The following MAP2 variants were observed in gnomAD, a reference collection of about 807,000 sequenced individuals.
MAP2 encodes the protein microtubule-associated protein 2.
MAP2 carries 14 observed loss-of-function variants against 137.6 expected under a neutral mutation model. The observed-to-expected ratio is 0.10, with a 90% CI of 0.07 to 0.16. The LOEUF is 0.16. Among genes scored for constraint, MAP2 ranks in the 10% least tolerant of loss-of-function variants. The pLI, the probability that MAP2 is intolerant of heterozygous loss-of-function variation, is 1.00. For synonymous variants in MAP2, 786 were observed against 782.3 expected, an observed-to-expected ratio of 1.00 and a Z score of -0.08; for missense variants, 2,088 against 2,191.5, an observed-to-expected ratio of 0.95 and a Z score of 0.94.
In MAP2 at chr2:209,693,573, A is replaced by G; in HGVS notation, c.1403A>G (p.Glu468Gly). Reference sequence around the variant, plus strand: ...AGTAAACCCCCAAAACCTGCAGATGAAGAAATAGGCATAATTCAGACCTCC... The same window carrying G: ...AGTAAACCCCCAAAACCTGCAGATGGAGAAATAGGCATAATTCAGACCTCC... ...KESKPPKPAD[E>G]EIGIIQTSTE... The change falls in exon 8 of 16, where the codon GAA becomes GGA. Residue 468 changes from glutamate (E) to glycine (G), a missense_variant. By Grantham distance (98) the Glu-to-Gly change is moderately conservative (BLOSUM62 -2). Coordinates refer to ENST00000682079, the MANE Select transcript of MAP2 (RefSeq NM_001375505.1). The G allele has an allele frequency of 6.2e-7, 1 of 1,613,140 alleles. No homozygotes were observed. The highest frequency in any genetic ancestry group is 8.5e-7 in the Non-Finnish European group (1 of 1,179,804).
intron 4 of MAP2, among the ~76,000 whole-genome samples, chr2:209,635,692 A>G (rs183780436): frequency 1.3e-5 from 2 of 152,116 alleles, no homozygotes; most frequent in Non-Finnish European, 1.5e-5. Context: ...AAAAAATTCT[A>G]TAATTGGGTT....
At chr2:209,575,609 A>G (rs142864443) in intron 2 of MAP2, among the ~76,000 whole-genome samples, 20 of 151,932 alleles carry the variant, frequency 1.3e-4, no homozygotes, top group Non-Finnish European at 2.1e-4. Context: ...AAGACTGAAT[A>G]TATAGAATAG....
At chr2:209,682,910 T>C (rs1303856768) in intron 7 of MAP2, among the ~76,000 whole-genome samples, 1 of 151,996 alleles carries the variant, frequency 6.6e-6, no homozygotes, top group African/African-American at 2.4e-5. Flanking sequence ...CCATGGAAAA[T>C]GTTTCTAAGC....
chr2:209,708,927 CAGTT>C (rs1319433709), intron 12 of MAP2, among the ~76,000 whole-genome samples: 5 of 152,224 alleles, frequency 3.3e-5, no homozygotes, highest in Admixed American at 6.5e-5. Flanking sequence ...GTTTGGTTAT[CAGTT>C]GGTTGGTATT....
At chr2:209,579,098 A>G (rs998429013) in intron 2 of MAP2, among the ~76,000 whole-genome samples, 4 of 152,220 alleles carry the variant, frequency 2.6e-5, no homozygotes, top group Non-Finnish European at 5.9e-5. Context: ...AGTTAAAAAT[A>G]TTGTAATTAT....
At chr2:209,646,902 A>G (rs1460934771) in intron 4 of MAP2, among the ~76,000 whole-genome samples, 1 of 152,186 alleles carries the variant, frequency 6.6e-6, no homozygotes, top group Admixed American at 6.5e-5. Context: ...GTTACTTATT[A>G]TTCCATTCTC....
Position 209,692,736 on chromosome 2 carries a change from G to A in MAP2, c.566G>A (p.Gly189Asp). Residue 189 changes from glycine (G) to aspartate (D), a missense_variant, in exon 8 of 16, where the codon GGT (glycine) becomes GAT (aspartate). Physicochemically the swap from Gly to Asp is moderately conservative, Grantham distance 94. This residue lies in a region of MAP2 where 859 missense variants were observed against 794.5 expected (regional missense o/e 1.08). Coordinates refer to ENST00000682079, the MANE Select transcript of MAP2 (RefSeq NM_001375505.1). ...EKESEKQSKP[G>D]EDLKHAALVS... is the part of the protein sequence containing the mutation. ...GAGTCAGAGAAGCAAAGTAAGCCTG[G>A]TGAAGACCTTAAACATGCTGCCTTA... is the stretch of plus-strand genomic sequence containing the variant. 1 of 1,614,054 alleles carries A rather than the reference G, an allele frequency of 6.2e-7. No homozygotes were observed. Among genetic ancestry groups the A allele is most frequent in the South Asian group, 1.1e-5 (1 of 91,078 alleles).
chr2:209,616,668 C>G (rs928681384), intron 3 of MAP2, among the ~76,000 whole-genome samples: 21 of 151,140 alleles, frequency 1.4e-4, no homozygotes, highest in African/African-American at 5.2e-4. Context: ...TGCTACCAAA[C>G]AAGGGGTGTA....
intron 1 of MAP2, among the ~76,000 whole-genome samples, chr2:209,476,173 G>A (rs1264485609): frequency 6.6e-6 from 1 of 152,010 alleles, no homozygotes; most frequent in Non-Finnish European, 1.5e-5. Flanking sequence ...AAGCCTTCTC[G>A]AGACCATGAT....
intron 1 of MAP2, among the ~76,000 whole-genome samples, chr2:209,469,062 G>T (rs1704962949): frequency 6.6e-6 from 1 of 152,220 alleles, no homozygotes; most frequent in Non-Finnish European, 1.5e-5. Context: ...CAGAGAGTTA[G>T]AAGAGATTTG....
chr2:209,666,958 T>C (rs2046593446), intron 5 of MAP2, among the ~76,000 whole-genome samples: 1 of 151,922 alleles, frequency 6.6e-6, no homozygotes, highest in Non-Finnish European at 1.5e-5. Flanking sequence ...CCTGTGTTCT[T>C]TGATACAACT....
At chr2:209,715,550 T>C (rs1211531234) in intron 13 of MAP2, among the ~76,000 whole-genome samples, 1 of 151,884 alleles carries the variant, frequency 6.6e-6, no homozygotes, top group African/African-American at 2.4e-5. Context: ...AAAAAAGTGC[T>C]AAGTATGGAG....
chr2:209,434,922 A>ATATATATGTTATATATATGT (rs1559157652), intron 1 of MAP2, among the ~76,000 whole-genome samples: 7 of 133,718 alleles, frequency 5.2e-5, no homozygotes, highest in African/African-American at 2.3e-4. Flanking sequence ...TATATATGTT[A>ATATATATGTTATATATATGT]TATATATATG....
At chr2:209,696,801 C>CT (rs1265963835) in intron 9 of MAP2, 53 bp downstream of exon 9, 15 of 1,565,446 alleles carry the variant, frequency 9.6e-6, no homozygotes, top group Middle Eastern at 1.8e-4. Context: ...TTCATTATTA[C>CT]TTTTTTGCAG....
At chr2:209,687,843 T>G (rs1314680701) in intron 7 of MAP2, among the ~76,000 whole-genome samples, 1 of 152,098 alleles carries the variant, frequency 6.6e-6, no homozygotes, top group Non-Finnish European at 1.5e-5. Flanking sequence ...ATGATGACCC[T>G]TACAATTCCG....
intron 3 of MAP2, among the ~76,000 whole-genome samples, chr2:209,587,915 G>C (rs1395665433): frequency 6.6e-6 from 1 of 152,136 alleles, no homozygotes; most frequent in Non-Finnish European, 1.5e-5. Flanking sequence ...ATTTAAAATT[G>C]CAATGAAGTA....
At chr2:209,575,654 G>C (rs2075260526) in intron 2 of MAP2, among the ~76,000 whole-genome samples, 1 of 151,388 alleles carries the variant, frequency 6.6e-6, no homozygotes, top group Non-Finnish European at 1.5e-5. Context: ...CTTCTCTTGT[G>C]TTTAGACATT....
chr2:209,670,672 G>GA (rs199649157), intron 5 of MAP2, among the ~76,000 whole-genome samples: 2 of 151,444 alleles, frequency 1.3e-5, no homozygotes, highest in East Asian at 1.9e-4. Flanking sequence ...GGAGGTAGAG[G>GA]AAAAAAAAGA....
intron 1 of MAP2, among the ~76,000 whole-genome samples, chr2:209,443,222 T>A (rs1698246673): frequency 6.6e-6 from 1 of 151,550 alleles, no homozygotes; most frequent in African/African-American, 2.4e-5. Context: ...ATAGGTTTTT[T>A]TTTTTTCTCC....
Sources: allele counts gnomAD v4.1 joint callset (sites outside exome capture counted in the v4.1 genomes callset), GRCh38; gene constraint gnomAD v4.1.1; regional missense constraint gnomAD v4.1.1; transcripts MANE v1.5; gene names NCBI Gene and HGNC (gene_info 2026-07-23, HGNC 2026-07-21).